Variants in ARMC10 observed in about 807,000 individuals in gnomAD.
ARMC10 encodes the protein armadillo repeat-containing protein 10.
ARMC10 carries 23 observed loss-of-function variants against 30.2 expected under a neutral mutation model. That is an observed-to-expected ratio of 0.76 (90% CI 0.55 to 1.08). The LOEUF is 1.08. Among genes scored for constraint, ARMC10 ranks in the 50% least tolerant of loss-of-function variants. The probability of loss-of-function intolerance (pLI) is 0.00; values close to 1 mark genes in which losing one functional copy is unlikely to be tolerated. For synonymous variants in ARMC10, 111 were observed against 164.4 expected, an observed-to-expected ratio of 0.68 and a Z score of 2.48; for missense variants, 303 against 413.7, an observed-to-expected ratio of 0.73 and a Z score of 2.32.
At chr7:103,076,974 C>G (rs914258517) in intron 2 of ARMC10, among the ~76,000 whole-genome samples, 2 of 152,218 alleles carry the variant, frequency 1.3e-5, no homozygotes, top group Non-Finnish European at 2.9e-5. Flanking sequence ...GCGGCGCAAT[C>G]ACAGCTGCAG....
In ARMC10 at chr7:103,092,630, C is replaced by G. The variant is rs542188065; in HGVS notation, c.682C>G (p.Leu228Val). 5.7e-6 allele frequency: 9 copies of G among 1,574,644 alleles called. No individual in the cohort carries two copies. The highest frequency in any genetic ancestry group is 4.4e-6 in the Non-Finnish European group (5 of 1,149,060). ...CATTACAGACCTGTTCCAGGTGTTA[C>G]TTACTGGAAATGGAAACACGAAGGT... is the stretch of plus-strand genomic sequence containing the variant. Reference protein sequence around the residue: ...SYITDLFQVLLTGNGNTKVQV... With the variant: ...SYITDLFQVLVTGNGNTKVQV... The change falls in exon 5 of 7, where the codon CTT (leucine) becomes GTT (valine). Residue 228 changes from leucine (L) to valine (V), a missense_variant. Leu to Val is a conservative substitution (Grantham distance 32, BLOSUM62 1). Coordinates refer to ENST00000323716, the MANE Select transcript of ARMC10 (RefSeq NM_031905.5).
chr7:103,091,698 TC>T lies in ARMC10; in HGVS notation c.529-778del, dbSNP rs1264182206. Among the ~76,000 whole-genome samples the T allele has an allele frequency of 1.3e-3, 10 of 7,824 alleles. No individual in the cohort carries two copies. In the Non-Finnish European group the frequency reaches 0.057, roughly 44 times the overall value. 5.1% of individuals were successfully genotyped at this position (7,824 alleles called of 152,430 possible). ...TATGATACAAAATGGCCTCACATCT[TC>T]TTCCCTGATCCCAGTGTGCGCAGAC... On this transcript the variant is annotated intron_variant, in intron 4 of 6. Transcript: ENST00000323716.
intron 5 of ARMC10, among the ~76,000 whole-genome samples, chr7:103,094,554 T>TCC (rs1801613717): frequency 6.6e-6 from 1 of 152,240 alleles, no homozygotes; most frequent in South Asian, 2.1e-4. Flanking sequence ...GTCTTAGATT[T>TCC]TGACTTCATC....
intron 2 of ARMC10, among the ~76,000 whole-genome samples, chr7:103,081,059 T>C (rs1343027199): frequency 6.6e-6 from 1 of 152,234 alleles, no homozygotes; most frequent in African/African-American, 2.4e-5. Flanking sequence ...GAAAATAATA[T>C]ACTAGTCACT....
At chr7:103,078,088 T>G (rs1203583412) in intron 2 of ARMC10, among the ~76,000 whole-genome samples, 1 of 151,986 alleles carries the variant, frequency 6.6e-6, no homozygotes, top group Non-Finnish European at 1.5e-5. Flanking sequence ...CGCCACCTCA[T>G]GGGTTCAAGC....
At chr7:103,079,158 G>GA (rs1428977905) in intron 2 of ARMC10, among the ~76,000 whole-genome samples, 1 of 151,992 alleles carries the variant, frequency 6.6e-6, no homozygotes, top group Non-Finnish European at 1.5e-5. Context: ...TATGAATAAA[G>GA]ATATAAAAAT....
chr7:103,086,849 T>C (rs762408503), intron 4 of ARMC10, 85 bp downstream of exon 4: 6 of 1,556,554 alleles, frequency 3.9e-6, no homozygotes, highest in Non-Finnish European at 5.2e-6. Context: ...TTTAGTAGAC[T>C]ATCCTTTGTA....
chr7:103,086,689 CCA>C lies in ARMC10; in HGVS notation c.454_455del (p.Gln152GlufsTer3), dbSNP rs763113965. On this transcript the variant is annotated frameshift_variant, in exon 4 of 7. Transcript: ENST00000323716. LOFTEE classifies it high-confidence loss of function. ...TTGCAAACAAAATCAACCATTCCAA[CCA>C]GAGTATTAAAGAGAAAGCTTTAAAT... ...IVANKINHSN[Q>X]SIKEKALNAL... The C allele has an allele frequency of 4.4e-6, 7 of 1,594,054 alleles. No homozygotes were observed. In the East Asian group the frequency reaches 1.6e-4, roughly 36 times the overall value.
rs575045830 is a variant in ARMC10, at chr7:103,080,532, G to T, written c.245-3150G>T. 1.9e-4 allele frequency among the ~76,000 whole-genome samples: 29 copies of T among 152,264 alleles called. 1 individual carries two copies. The South Asian group carries it at 5.8e-3, about 30-fold the overall frequency. ...GGCCTCCCAAAGTGGTGGGATTACA[G>T]GTGTGAGCCACCGTGCTGGGCCGAT... On this transcript the variant is annotated intron_variant, in intron 2 of 6. Coordinates refer to ENST00000323716, the MANE Select transcript of ARMC10 (RefSeq NM_031905.5).
intron 2 of ARMC10, among the ~76,000 whole-genome samples, chr7:103,081,710 T>TAAC (rs11473865): frequency 1.3e-5 from 2 of 151,842 alleles, no homozygotes; most frequent in Non-Finnish European, 2.9e-5. Context: ...TGAGATAACA[T>TAAC]AGAGTGGTAT....
chr7:103,097,988 A>C (rs1801904813), intron 6 of ARMC10, among the ~76,000 whole-genome samples: 1 of 152,190 alleles, frequency 6.6e-6, no homozygotes, highest in Admixed American at 6.6e-5. Context: ...GATGATCTTA[A>C]AAAAGAAAAT....
chr7:103,083,355 C>A (rs1435473561), intron 2 of ARMC10, among the ~76,000 whole-genome samples: 1 of 152,184 alleles, frequency 6.6e-6, no homozygotes, highest in Non-Finnish European at 1.5e-5. Context: ...CACAGTGGCT[C>A]ATACTATTAT....
Position 103,075,572 on chromosome 7 carries a change from C to T in ARMC10, c.139+161C>T, listed in dbSNP as rs186599036. Among the ~76,000 whole-genome samples the T allele has an allele frequency of 1.7e-3, 253 of 152,360 alleles. 3 individuals carry two copies. The highest frequency in any genetic ancestry group is 7.0e-3 in the Admixed American group (107 of 15,310). Reference sequence around the variant, plus strand: ...GGGTGCTGCGCCGCCCCCGCCGCCCCTTTGCTGACTATACTGGTATGAAAA... The same window carrying T: ...GGGTGCTGCGCCGCCCCCGCCGCCCTTTTGCTGACTATACTGGTATGAAAA... On this transcript the variant is annotated intron_variant, in intron 1 of 6. Transcript: ENST00000323716.
chr7:103,094,077 C>A (rs1226086133), intron 5 of ARMC10, among the ~76,000 whole-genome samples: 1 of 152,124 alleles, frequency 6.6e-6, no homozygotes, highest in Non-Finnish European at 1.5e-5. Context: ...GATAGCCATC[C>A]ATTTGTTAGT....
chr7:103,080,369 C>T (rs1283821640), intron 2 of ARMC10, among the ~76,000 whole-genome samples: 1 of 151,842 alleles, frequency 6.6e-6, no homozygotes, highest in Non-Finnish European at 1.5e-5. Flanking sequence ...ATGCTTCTAC[C>T]TCGGCCACCC....
chr7:103,083,880 C>A (rs998730565), intron 3 of ARMC10, 50 bp downstream of exon 3: 1 of 1,590,742 alleles, frequency 6.3e-7, no homozygotes, highest in Non-Finnish European at 8.6e-7. Flanking sequence ...TACACACTAG[C>A]GGTAATTGTG....
chr7:103,097,047 C>T (rs1017806819), intron 5 of ARMC10: 2 of 537,570 alleles, frequency 3.7e-6, no homozygotes, highest in East Asian at 5.6e-5. Flanking sequence ...GTTTAAATAA[C>T]ACTGTTCTAT....
intron 5 of ARMC10, among the ~76,000 whole-genome samples, chr7:103,095,354 A>G (rs1202940074): frequency 6.6e-6 from 1 of 152,220 alleles, no homozygotes; most frequent in Non-Finnish European, 1.5e-5. Context: ...TTGGCCTCCC[A>G]AAGTGCTGGG....
rs1802103011 is a variant in ARMC10, at chr7:103,099,654, A to T, written c.*1101A>T. On this transcript the variant is annotated 3_prime_UTR_variant, in exon 7 of 7. Transcript: ENST00000323716. Reference sequence around the variant, plus strand: ...TCTAGAATGATACCCAAACTCCTGGAGTGGGAGTGGGGAATGCCTTCTACG... The same window carrying T: ...TCTAGAATGATACCCAAACTCCTGGTGTGGGAGTGGGGAATGCCTTCTACG... 7.1e-6 allele frequency: 1 copy of T among 141,600 alleles called. No homozygotes were observed. Among genetic ancestry groups the T allele is most frequent in the Non-Finnish European group, 1.6e-5 (1 of 63,744 alleles). 8.8% of individuals were successfully genotyped at this position (141,600 alleles called of 1,614,324 possible). A position where few individuals can be genotyped will look rare whatever the true frequency, so the allele number is the denominator to read the frequency against.
Sources: allele counts gnomAD v4.1 joint callset (sites outside exome capture counted in the v4.1 genomes callset), GRCh38; gene constraint gnomAD v4.1.1; transcripts MANE v1.5; gene names NCBI Gene and HGNC (gene_info 2026-07-23, HGNC 2026-07-21).